PTPRD: variants seen among roughly 807,000 people sequenced by gnomAD.
PTPRD encodes receptor-type tyrosine-protein phosphatase delta.
PTPRD carries 34 observed loss-of-function variants against 214.5 expected under a neutral mutation model. That is an observed-to-expected ratio of 0.16 (90% CI 0.12 to 0.21). The LOEUF (loss-of-function observed/expected upper bound fraction) is 0.21, where lower values mean the gene tolerates loss of function less well. Among genes scored for constraint, PTPRD ranks in the 10% least tolerant of loss-of-function variants. PTPRD has a pLI of 1.00. For missense variants in PTPRD, 2,545 were observed against 2,398.7 expected, an observed-to-expected ratio of 1.06 and a Z score of -1.27; for synonymous variants, 1,128 against 845.7, an observed-to-expected ratio of 1.33 and a Z score of -5.79.
In PTPRD at chr9:10,257,111, G is replaced by T. The variant is rs189164964; in HGVS notation, c.-545+83852C>A. Among the ~76,000 whole-genome samples the T allele has an allele frequency of 4.5e-4, 68 of 152,238 alleles. 1 individual carries two copies. The Middle Eastern group carries it at 0.014, about 30-fold the overall frequency. On this transcript the variant is annotated intron_variant, in intron 3 of 45. Transcript: ENST00000381196. ...TTAATTTTTCTTCACTGAGTTGAGT[G>T]GCTGGCATAATGCTCAGTAAATGTT...
intron 7 of PTPRD, among the ~76,000 whole-genome samples, chr9:9,605,044 T>C (rs2094056048): frequency 6.6e-6 from 1 of 152,052 alleles, no homozygotes; most frequent in African/African-American, 2.4e-5. Context: ...TTTATTTCTT[T>C]TTAATCTATT....
intron 10 of PTPRD, among the ~76,000 whole-genome samples, chr9:9,174,584 G>T (rs1447613922): frequency 6.6e-6 from 1 of 152,060 alleles, no homozygotes; most frequent in African/African-American, 2.4e-5. Context: ...CATTACTGTG[G>T]TTTTAAATTG....
At chr9:9,856,838 G>A (rs2061651548) in intron 5 of PTPRD, among the ~76,000 whole-genome samples, 1 of 152,142 alleles carries the variant, frequency 6.6e-6, no homozygotes. Context: ...GACCTCTATT[G>A]ATAAGTGAGC....
intron 2 of PTPRD, among the ~76,000 whole-genome samples, chr9:10,437,199 G>T (rs1002325937): frequency 6.6e-6 from 1 of 151,720 alleles, no homozygotes; most frequent in African/African-American, 2.4e-5. Flanking sequence ...AATGGTTTTG[G>T]AATCCACATT....
At chr9:10,146,705 C>G (rs1421358496) in intron 3 of PTPRD, among the ~76,000 whole-genome samples, 1 of 152,024 alleles carries the variant, frequency 6.6e-6, no homozygotes. Context: ...AGAAGCCGAC[C>G]GAGCACTGTA....
intron 14 of PTPRD, among the ~76,000 whole-genome samples, chr9:8,587,524 G>A (rs1159550490): frequency 6.6e-6 from 1 of 152,090 alleles, no homozygotes; most frequent in Non-Finnish European, 1.5e-5. Flanking sequence ...AATGTTTTGA[G>A]TAAAATGAGT....
chr9:8,480,726 G>T (rs766256449), intron 30 of PTPRD, among the ~76,000 whole-genome samples: 1 of 152,056 alleles, frequency 6.6e-6, no homozygotes, highest in East Asian at 1.9e-4. Context: ...TATCTGTCAA[G>T]ATCAATTAAT....
intron 11 of PTPRD, among the ~76,000 whole-genome samples, chr9:8,821,145 T>C (rs903253009): frequency 6.6e-6 from 1 of 152,186 alleles, no homozygotes; most frequent in African/African-American, 2.4e-5. Context: ...TCTTGATAGG[T>C]ATTTTCTTGA....
intron 11 of PTPRD, among the ~76,000 whole-genome samples, chr9:8,829,747 G>C (rs552008662): frequency 6.6e-5 from 10 of 152,238 alleles, no homozygotes; most frequent in African/African-American, 2.2e-4. Flanking sequence ...AACAACCATA[G>C]AATCAGCTGA....
intron 3 of PTPRD, among the ~76,000 whole-genome samples, chr9:10,298,395 G>T (rs1418995183): frequency 6.6e-6 from 1 of 151,984 alleles, no homozygotes; most frequent in East Asian, 1.9e-4. Flanking sequence ...AGTACGATAT[G>T]ATCCTTGCCA....
At chr9:10,571,087 A>T (rs1337095789) in intron 2 of PTPRD, among the ~76,000 whole-genome samples, 1 of 152,114 alleles carries the variant, frequency 6.6e-6, no homozygotes, top group Non-Finnish European at 1.5e-5. Flanking sequence ...AGTATTTTTT[A>T]AAATATGAAT....
chr9:10,157,107 T>A (rs917834940), intron 3 of PTPRD, among the ~76,000 whole-genome samples: 2 of 152,196 alleles, frequency 1.3e-5, no homozygotes, highest in Admixed American at 6.5e-5. Context: ...TGCCTTTTGA[T>A]TGGGGGCATT....
intron 11 of PTPRD, among the ~76,000 whole-genome samples, chr9:8,844,821 C>A (rs771950736): frequency 6.6e-6 from 1 of 152,142 alleles, no homozygotes; most frequent in South Asian, 2.1e-4. Context: ...GCTCTAACCC[C>A]CATCTCCTAC....
rs949628455 is a variant in PTPRD, at chr9:8,456,271, G to A, written c.3875+4140C>T. 7.9e-5 allele frequency among the ~76,000 whole-genome samples: 12 copies of A among 152,240 alleles called. No homozygotes were observed. In the South Asian group the frequency reaches 2.1e-3, roughly 26 times the overall value. ...ACGCAGTAGGTTCTACAACAGACAA[G>A]TAGAAAGTACTTTAAGAGCTCAGGA... On this transcript the variant is annotated intron_variant, in intron 33 of 45. Coordinates refer to ENST00000381196, the MANE Select transcript of PTPRD (RefSeq NM_002839.4).
At chr9:9,473,283 G>C (rs938652234) in intron 8 of PTPRD, among the ~76,000 whole-genome samples, 4 of 152,164 alleles carry the variant, frequency 2.6e-5, no homozygotes, top group South Asian at 2.1e-4. Context: ...CCAGGTTTAC[G>C]CATGTTGTAT....
At chr9:9,494,036 G>A (rs2096056393) in intron 8 of PTPRD, among the ~76,000 whole-genome samples, 1 of 152,138 alleles carries the variant, frequency 6.6e-6, no homozygotes, top group Admixed American at 6.6e-5. Context: ...ATGAGGGGAT[G>A]AAGACTTCAG....
intron 2 of PTPRD, among the ~76,000 whole-genome samples, chr9:10,349,342 A>C (rs2097143825): frequency 6.6e-6 from 1 of 152,068 alleles, no homozygotes; most frequent in East Asian, 1.9e-4. Context: ...TGACATATGC[A>C]CACAAACACG....
intron 10 of PTPRD, among the ~76,000 whole-genome samples, chr9:9,122,706 GT>G (rs2099818756): frequency 6.6e-6 from 1 of 152,146 alleles, no homozygotes; most frequent in Admixed American, 6.5e-5. Context: ...GAAATCCTGT[GT>G]TTCTCATTTA....
At chr9:8,962,008 T>A (rs1193097401) in intron 11 of PTPRD, 1 of 152,164 alleles carries the variant, frequency 6.6e-6, no homozygotes, top group East Asian at 1.9e-4. Context: ...ATTTCATGTA[T>A]TTTTAAATCA....
Sources: allele counts gnomAD v4.1 joint callset (sites outside exome capture counted in the v4.1 genomes callset), GRCh38; gene constraint gnomAD v4.1.1; transcripts MANE v1.5; gene names NCBI Gene and HGNC (gene_info 2026-07-23, HGNC 2026-07-21).